Variants in ZNRF1 observed in about 807,000 individuals in gnomAD.
The protein encoded by ZNRF1 is E3 ubiquitin-protein ligase ZNRF1.
ZNRF1 carries 3 observed loss-of-function variants against 18.4 expected under a neutral mutation model. The ratio of observed to expected loss-of-function variants is 0.16; its 90% confidence interval spans 0.07 to 0.42. The LOEUF is 0.42. Among genes scored for constraint, ZNRF1 ranks in the 10% least tolerant of loss-of-function variants. The pLI, the probability that ZNRF1 is intolerant of heterozygous loss-of-function variation, is 0.99. For synonymous variants in ZNRF1, 157 were observed against 144.2 expected (o/e 1.09, Z -0.64); for missense variants, 310 against 329.8 (o/e 0.94, Z 0.47).
Position 75,014,408 on chromosome 16 carries a change from T to C in ZNRF1, c.424+14313T>C, listed in dbSNP as rs368146757. 5.9e-5 allele frequency among the ~76,000 whole-genome samples: 9 copies of C among 152,282 alleles called. No homozygotes were observed. In the East Asian group the frequency reaches 1.5e-3, roughly 26 times the overall value. ...GTATAGACATGGAAGGAGAAAGATA[T>C]TATGAGGTGTGTGTGTGTATATATG... On this transcript the variant is annotated intron_variant, in intron 1 of 4. Coordinates refer to ENST00000335325, the MANE Select transcript of ZNRF1 (RefSeq NM_032268.5).
At chr16:75,077,799 G>C (rs73614090) in intron 1 of ZNRF1, among the ~76,000 whole-genome samples, 1 of 152,102 alleles carries the variant, frequency 6.6e-6, no homozygotes, top group Non-Finnish European at 1.5e-5. Flanking sequence ...GCTTTCCTTG[G>C]CTCATGGTCC....
At chr16:75,050,624 T>C (rs1187668578) in intron 1 of ZNRF1, among the ~76,000 whole-genome samples, 1 of 151,784 alleles carries the variant, frequency 6.6e-6, no homozygotes, top group Non-Finnish European at 1.5e-5. Flanking sequence ...ATCCCAGCAC[T>C]TTGGGAGGCC....
At chr16:75,098,415 A>G (rs565923514) in intron 2 of ZNRF1, among the ~76,000 whole-genome samples, 80 of 152,146 alleles carry the variant, frequency 5.3e-4, no homozygotes, top group Admixed American at 9.8e-4. Flanking sequence ...CAGCTCACCA[A>G]AACAATTGCA....
intron 1 of ZNRF1, among the ~76,000 whole-genome samples, chr16:75,016,656 C>T (rs1392120553): frequency 2.0e-5 from 3 of 151,572 alleles, no homozygotes; most frequent in Non-Finnish European, 4.4e-5. Flanking sequence ...ATGCCATAGC[C>T]TCCAGAGTAG....
chr16:75,050,756 A>C (rs1235088340), intron 1 of ZNRF1, among the ~76,000 whole-genome samples: 1 of 150,652 alleles, frequency 6.6e-6, no homozygotes, highest in Non-Finnish European at 1.5e-5. Context: ...CTGTAGTCCC[A>C]GCTACTCAGG....
intron 4 of ZNRF1, chr16:75,106,832 T>G (rs1030646812): frequency 5.5e-6 from 2 of 362,472 alleles, no homozygotes; most frequent in Non-Finnish European, 1.0e-5. Context: ...CAGTACAATC[T>G]ACATTCCTAA....
intron 1 of ZNRF1, among the ~76,000 whole-genome samples, chr16:75,091,111 C>T (rs370828588): frequency 6.6e-6 from 1 of 152,112 alleles, no homozygotes; most frequent in Non-Finnish European, 1.5e-5. Flanking sequence ...GTAATCCCAG[C>T]ACTTTGGGAA....
intron 1 of ZNRF1, among the ~76,000 whole-genome samples, chr16:75,047,978 G>T (rs1597879067): frequency 6.6e-6 from 1 of 151,480 alleles, no homozygotes; most frequent in African/African-American, 2.4e-5. Flanking sequence ...TTGAGACAAG[G>T]TCTGGCTTTG....
In ZNRF1 at chr16:75,082,070, G is replaced by A. The variant is rs368871637; in HGVS notation, c.425-11502G>A. ...GCTGCTTTTTTTTGGTAGAGATGGGGGTCTCACTATGTTGCCCAGGCTGGC... is the reference window on the plus strand; with the variant it reads ...GCTGCTTTTTTTTGGTAGAGATGGGAGTCTCACTATGTTGCCCAGGCTGGC... On this transcript the variant is annotated intron_variant, in intron 1 of 4. Coordinates refer to ENST00000335325, the MANE Select transcript of ZNRF1 (RefSeq NM_032268.5). 2.0e-5 allele frequency among the ~76,000 whole-genome samples: 3 copies of A among 152,196 alleles called. No individual in the cohort carries two copies. The South Asian group carries it at 6.2e-4, about 32-fold the overall frequency.
chr16:75,034,627 T>C (rs2035353737), intron 1 of ZNRF1, among the ~76,000 whole-genome samples: 1 of 152,178 alleles, frequency 6.6e-6, no homozygotes, highest in African/African-American at 2.4e-5. Context: ...CTTTCGATTT[T>C]AACTTGATTA....
At chr16:75,031,574 C>G (rs2035304430) in intron 1 of ZNRF1, among the ~76,000 whole-genome samples, 1 of 152,082 alleles carries the variant, frequency 6.6e-6, no homozygotes, top group South Asian at 2.1e-4. Context: ...GTGGTGTGAT[C>G]TCAGCTCACT....
intron 1 of ZNRF1, among the ~76,000 whole-genome samples, chr16:75,082,868 T>G (rs1198604821): frequency 1.3e-5 from 2 of 152,238 alleles, no homozygotes; most frequent in Non-Finnish European, 1.5e-5. Context: ...ATAAATTGAT[T>G]GGGTCTATTA....
chr16:75,104,943 C>T, intron 3 of ZNRF1, 54 bp downstream of exon 3: 1 of 1,401,348 alleles, frequency 7.1e-7, no homozygotes. Context: ...GAGGGGCGGA[C>T]CCCCATCTCC....
At chr16:75,105,095 T>C (rs997537251) in intron 3 of ZNRF1, 10 of 506,046 alleles carry the variant, frequency 2.0e-5, no homozygotes, top group Non-Finnish European at 3.6e-5. Flanking sequence ...AGAGTGGAGT[T>C]GCCAGAGGTG....
chr16:74,999,988 C>G lies in ZNRF1; in HGVS notation c.317C>G (p.Thr106Arg), dbSNP rs772006500. Reference protein sequence around the residue: ...TYAHGNGYQETGGGHHRDGML... With the variant: ...TYAHGNGYQERGGGHHRDGML... ...GCCCATGGCAATGGTTACCAGGAGA[C>G]GGGCGGCGGTCACCATAGAGACGGG... Residue 106 changes from threonine to arginine, a missense_variant, in exon 1 of 5, where the codon ACG becomes AGG. By Grantham distance (71) the Thr-to-Arg change is moderately conservative. Coordinates refer to ENST00000335325, the MANE Select transcript of ZNRF1 (RefSeq NM_032268.5). 1.3e-6 allele frequency: 2 copies of G among 1,585,146 alleles called. No homozygotes were observed. The highest frequency in any genetic ancestry group is 1.2e-5 in the South Asian group (1 of 86,776).
At chr16:75,077,525 C>T (rs992639008) in intron 1 of ZNRF1, among the ~76,000 whole-genome samples, 2 of 152,062 alleles carry the variant, frequency 1.3e-5, no homozygotes, top group African/African-American at 2.4e-5. Flanking sequence ...AGCGAGATTC[C>T]GTCTCAAAAA....
chr16:75,051,592 A>G (rs1415055406), intron 1 of ZNRF1, among the ~76,000 whole-genome samples: 1 of 150,052 alleles, frequency 6.7e-6, no homozygotes, highest in Non-Finnish European at 1.5e-5. Flanking sequence ...ATCTCGGCTC[A>G]CTGCAATCTC....
intron 1 of ZNRF1, among the ~76,000 whole-genome samples, chr16:75,017,323 A>G (rs921413146): frequency 3.9e-5 from 6 of 152,244 alleles, no homozygotes; most frequent in African/African-American, 1.4e-4. Flanking sequence ...CTTATCCATG[A>G]ATCTGATAGA....
intron 1 of ZNRF1, among the ~76,000 whole-genome samples, chr16:75,010,530 A>G (rs1022746135): frequency 6.6e-6 from 1 of 151,986 alleles, no homozygotes; most frequent in Non-Finnish European, 1.5e-5. Context: ...TTTTGGAGAA[A>G]TTTCACTTCG....
Sources: allele counts gnomAD v4.1 joint callset (sites outside exome capture counted in the v4.1 genomes callset), GRCh38; gene constraint gnomAD v4.1.1; transcripts MANE v1.5; gene names NCBI Gene and HGNC (gene_info 2026-07-23, HGNC 2026-07-21).